LMTK2: variants seen among roughly 807,000 people sequenced by gnomAD.
LMTK2 encodes the protein lemur tail kinase 2, also known as serine/threonine-protein kinase LMTK2.
LMTK2 carries 37 observed loss-of-function variants against 127.5 expected under a neutral mutation model. The observed-to-expected ratio is 0.29, with a 90% CI of 0.22 to 0.38. The LOEUF is 0.38. Among genes scored for constraint, LMTK2 ranks in the 10% least tolerant of loss-of-function variants. The probability of loss-of-function intolerance (pLI) is 1.00; values close to 1 mark genes in which losing one functional copy is unlikely to be tolerated. For synonymous variants in LMTK2, 819 were observed against 810.1 expected (o/e 1.01, Z -0.19); for missense variants, 1,694 against 1,920.3 (o/e 0.88, Z 2.20).
intron 3 of LMTK2, among the ~76,000 whole-genome samples, chr7:98,150,760 G>A (rs1796841385): frequency 6.6e-6 from 1 of 152,196 alleles, no homozygotes; most frequent in Admixed American, 6.5e-5. Context: ...CGAAAAAAGA[G>A]TACATACCAT....
chr7:98,151,252 A>G (rs946559876), intron 3 of LMTK2, 130 bp from the exon 4 acceptor site: 8 of 557,604 alleles, frequency 1.4e-5, no homozygotes, highest in Non-Finnish European at 2.4e-5. Flanking sequence ...GATTCGTTTA[A>G]AAGAGGTGTT....
intron 1 of LMTK2, among the ~76,000 whole-genome samples, chr7:98,119,218 C>G (rs1796328872): frequency 6.6e-6 from 1 of 152,236 alleles, no homozygotes; most frequent in Admixed American, 6.5e-5. Context: ...CCCCTCATCC[C>G]CTCACTGCCA....
In LMTK2 at chr7:98,203,627, C is replaced by A. The variant is rs751779855; in HGVS notation, c.4161C>A (p.Asp1387Glu). ...GPCGGEACGP[D>E]LSGPAPASGS... Reference sequence around the variant, plus strand: ...GTGGAGGAGAGGCGTGCGGCCCGGACCTGAGCGGCCCAGCCCCAGCCTCAG... The same window carrying A: ...GTGGAGGAGAGGCGTGCGGCCCGGAACTGAGCGGCCCAGCCCCAGCCTCAG... The change falls in exon 12 of 14, where the codon GAC (aspartate) becomes GAA (glutamate). Residue 1387 changes from aspartate (D) to glutamate (E), a missense_variant. Around this residue, in one of 8 missense-constraint regions of LMTK2, gnomAD observed 554 missense variants for 567.7 expected, o/e 0.98. Coordinates refer to ENST00000297293, the MANE Select transcript of LMTK2 (RefSeq NM_014916.4). 1.2e-6 allele frequency: 2 copies of A among 1,613,018 alleles called. No individual in the cohort carries two copies. Among genetic ancestry groups the A allele is most frequent in the Admixed American group, 3.4e-5 (2 of 59,700 alleles).
At chr7:98,126,893 T>A (rs1303127406) in intron 1 of LMTK2, 1 of 152,228 alleles carries the variant, frequency 6.6e-6, no homozygotes, top group Non-Finnish European at 1.5e-5. Context: ...GATCTGTTTC[T>A]CTAGGCTGTT....
intron 2 of LMTK2, among the ~76,000 whole-genome samples, chr7:98,140,087 TTTC>T (rs1562902445): frequency 3.9e-4 from 1 of 2,560 alleles, no homozygotes; most frequent in African/African-American, 1.2e-3. Flanking sequence ...ACTTTCTTTC[TTTC>T]TTTCTTTCTT....
chr7:98,179,894 G>A (rs1158028680), intron 7 of LMTK2, among the ~76,000 whole-genome samples: 1 of 152,184 alleles, frequency 6.6e-6, no homozygotes, highest in Non-Finnish European at 1.5e-5. Context: ...AGCTCCAAGT[G>A]TCACTGCATC....
At chr7:98,203,790 C>T (rs1584303147) in intron 12 of LMTK2, 84 bp downstream of exon 12, 1 of 1,583,782 alleles carries the variant, frequency 6.3e-7, no homozygotes, top group Non-Finnish European at 8.6e-7. Flanking sequence ...TCCCATGTTG[C>T]TTTAATGACG....
chr7:98,194,588 A>C lies in LMTK2; in HGVS notation c.4107+16A>C. 2 of 1,585,806 alleles carry C rather than the reference A, an allele frequency of 1.3e-6. No individual in the cohort carries two copies. Among genetic ancestry groups the C allele is most frequent in the Non-Finnish European group, 1.7e-6 (2 of 1,171,218 alleles). Reference sequence around the variant, plus strand: ...GTTTGACCAGGTATCTGTTCCCTCTAAATCATTTTCTATACACATCCATAT... The same window carrying C: ...GTTTGACCAGGTATCTGTTCCCTCTCAATCATTTTCTATACACATCCATAT... On this transcript the variant is annotated intron_variant, in intron 11 of 13. Transcript: ENST00000297293. The surrounding 1 kb of genome is among the most constrained non-coding windows in gnomAD (Gnocchi z 5.4).
At position 98,194,281 on chromosome 7, in the gene LMTK2, A is replaced by G; in HGVS notation, c.3816A>G (p.Ser1272=). ...AGTACCTGGGGAAACTCGGGGTGTC[A>G]GGGATGCTCGACCTCTCAGAGGACG... ...EGKYLGKLGV[S]GMLDLSEDGM... Residue 1272 remains serine (S), a synonymous_variant, in exon 11 of 14, where the codon TCA becomes TCG. Coordinates refer to ENST00000297293, the MANE Select transcript of LMTK2 (RefSeq NM_014916.4). The surrounding 1 kb of genome is among the most constrained non-coding windows in gnomAD (Gnocchi z 5.4). The G allele has an allele frequency of 1.2e-6, 2 of 1,614,218 alleles. No individual in the cohort carries two copies. Among genetic ancestry groups the G allele is most frequent in the African/African-American group, 1.3e-5 (1 of 75,062 alleles).
rs762097175 is a variant in LMTK2 at position 98,191,807 on chromosome 7, G to A, written c.1342G>A (p.Asp448Asn). Reference sequence around the variant, plus strand: ...CAACAATGCTGCATTCCCAATTCTCGACCACTTTGCCAGGGACCGGCTGGG... The same window carrying A: ...CAACAATGCTGCATTCCCAATTCTCAACCACTTTGCCAGGGACCGGCTGGG... ...SSNNAAFPIL[D>N]HFARDRLGRE... The change falls in exon 11 of 14, where the codon GAC (aspartate) becomes AAC (asparagine). Residue 448 changes from aspartate to asparagine, a missense_variant. Asp to Asn is a conservative substitution (Grantham distance 23). This residue lies in a region of LMTK2 where 216 missense variants were observed against 266.8 expected (regional missense o/e 0.81). Coordinates refer to ENST00000297293, the MANE Select transcript of LMTK2 (RefSeq NM_014916.4). 5.0e-6 allele frequency: 8 copies of A among 1,614,126 alleles called. No individual in the cohort carries two copies. Among genetic ancestry groups the A allele is most frequent in the South Asian group, 1.1e-5 (1 of 91,082 alleles).
chr7:98,154,648 C>T (rs1482243598), intron 4 of LMTK2, 110 bp from the exon 5 acceptor site: 1 of 686,582 alleles, frequency 1.5e-6, no homozygotes, highest in Non-Finnish European at 2.6e-6. Flanking sequence ...AATAGAAGGT[C>T]ACCTGCTTAT....
chr7:98,193,225 A>T lies in LMTK2; in HGVS notation c.2760A>T (p.Glu920Asp). 2 of 1,613,748 alleles carry T rather than the reference A, an allele frequency of 1.2e-6. No individual in the cohort carries two copies. Among genetic ancestry groups the T allele is most frequent in the Non-Finnish European group, 1.7e-6 (2 of 1,180,018 alleles). Reference sequence around the variant, plus strand: ...TGAGTGTAGGGAGTAGTCTCCCGGAACTGGGACAGGAATTGCACAATAAAC... The same window carrying T: ...TGAGTGTAGGGAGTAGTCTCCCGGATCTGGGACAGGAATTGCACAATAAAC... ...SRVSVGSSLP[E>D]LGQELHNKPF... The change falls in exon 11 of 14, where the codon GAA becomes GAT. Residue 920 changes from glutamate (E) to aspartate (D), a missense_variant. By Grantham distance (45) the Glu-to-Asp change is conservative (BLOSUM62 2). Transcript: ENST00000297293. The surrounding 1 kb of genome is among the most constrained non-coding windows in gnomAD (Gnocchi z 4.1).
In LMTK2 at chr7:98,194,721, G is replaced by A. The variant is rs1264767927; in HGVS notation, c.4107+149G>A. On this transcript the variant is annotated intron_variant, in intron 11 of 13. Coordinates refer to ENST00000297293, the MANE Select transcript of LMTK2 (RefSeq NM_014916.4). This position sits in a 1 kb window ranked among gnomAD's most constrained non-coding sequence, Gnocchi z 5.4. ...AAAAAGTAATTTGGGGTTGGTTAGA[G>A]TTCTAAGAATATGCAGAAATGTCAT... 2 of 692,194 alleles carry A rather than the reference G, an allele frequency of 2.9e-6. No homozygotes were observed. Among genetic ancestry groups the A allele is most frequent in the Non-Finnish European group, 4.7e-6 (2 of 422,460 alleles). 42.9% of individuals were successfully genotyped at this position (692,194 alleles called of 1,614,324 possible). A position where few individuals can be genotyped will look rare whatever the true frequency, so the allele number is the denominator to read the frequency against.
chr7:98,192,721 T>G lies in LMTK2; in HGVS notation c.2256T>G (p.Ala752=), dbSNP rs1183521833. The G allele has an allele frequency of 6.2e-7, 1 of 1,612,480 alleles. No individual in the cohort carries two copies. Among genetic ancestry groups the G allele is most frequent in the Non-Finnish European group, 8.5e-7 (1 of 1,179,338 alleles). The change falls in exon 11 of 14, where the codon GCT becomes GCG. Residue 752 remains alanine, a synonymous_variant. Coordinates refer to ENST00000297293, the MANE Select transcript of LMTK2 (RefSeq NM_014916.4). The stretch of plus-strand genomic sequence containing the variant: ...ATCTTCAGACAGAACTTAAGAATGC[T>G]GGTTTTACTGAAGCTATGTTAGAAA... ...INDLQTELKN[A]GFTEAMLETS...
At chr7:98,124,131 C>G (rs145960387) in intron 1 of LMTK2, among the ~76,000 whole-genome samples, 1 of 152,262 alleles carries the variant, frequency 6.6e-6, no homozygotes, top group African/African-American at 2.4e-5. Flanking sequence ...ACTTGAAAGT[C>G]TGTTCCTCTT....
intron 13 of LMTK2, among the ~76,000 whole-genome samples, chr7:98,205,085 T>G (rs1007904099): frequency 1.1e-4 from 17 of 152,252 alleles, no homozygotes; most frequent in South Asian, 1.0e-3. Flanking sequence ...AATAGGCTCA[T>G]TTTTTGATTG....
At chr7:98,162,359 C>A (rs1386726906) in intron 6 of LMTK2, among the ~76,000 whole-genome samples, 1 of 152,172 alleles carries the variant, frequency 6.6e-6, no homozygotes, top group Non-Finnish European at 1.5e-5. Flanking sequence ...TGTTCTTTAA[C>A]TCAGCATCCT....
At chr7:98,188,112 C>T (rs373668918) in intron 9 of LMTK2, among the ~76,000 whole-genome samples, 13 of 152,228 alleles carry the variant, frequency 8.5e-5, no homozygotes, top group African/African-American at 2.4e-4. Flanking sequence ...CCTTCCCAGC[C>T]GAAATTTTGT....
At position 98,193,613 on chromosome 7, in the gene LMTK2, G is replaced by A. The variant is rs1284280485; in HGVS notation, c.3148G>A (p.Gly1050Ser). Residue 1050 changes from glycine to serine, a missense_variant, in exon 11 of 14, where the codon GGC becomes AGC. This residue lies in a region of LMTK2 where 65 missense variants were observed against 116.5 expected (regional missense o/e 0.56). Coordinates refer to ENST00000297293, the MANE Select transcript of LMTK2 (RefSeq NM_014916.4). This position sits in a 1 kb window ranked among gnomAD's most constrained non-coding sequence, Gnocchi z 4.1. ...GTGGACCTTGCATCCCGCTCCCGAG[G>A]GCACCGCAGACTCAGAACCAGCCAC... ...PEWTLHPAPE[G>S]TADSEPATTG... is the part of the protein sequence containing the mutation. The A allele has an allele frequency of 6.2e-7, 1 of 1,613,990 alleles. No homozygotes were observed. The highest frequency in any genetic ancestry group is 8.5e-7 in the Non-Finnish European group (1 of 1,180,030).
Sources: allele counts gnomAD v4.1 joint callset (sites outside exome capture counted in the v4.1 genomes callset), GRCh38; gene constraint gnomAD v4.1.1; regional missense constraint gnomAD v4.1.1; non-coding constraint Gnocchi (gnomAD v3.1); transcripts MANE v1.5; gene names NCBI Gene and HGNC (gene_info 2026-07-23, HGNC 2026-07-21).